MAPK10: variants seen among roughly 807,000 people sequenced by gnomAD.
The protein encoded by MAPK10 is mitogen-activated protein kinase 10, also known as JNK3 alpha protein kinase.
A neutral mutation model predicts 59.3 loss-of-function variants in MAPK10; 25 were observed. The observed-to-expected ratio is 0.42, with a 90% confidence interval of 0.31 to 0.59. The LOEUF is 0.59. Ranked by LOEUF, MAPK10 falls within the 20% of genes least tolerant of loss-of-function variation. The pLI is 0.15. For synonymous variants in MAPK10, 190 were observed against 200.5 expected, an observed-to-expected ratio of 0.95 and a Z score of 0.44; for missense variants, 351 against 568.9, an observed-to-expected ratio of 0.62 and a Z score of 3.90.
At chr4:86,114,301 C>T (rs765429634) in intron 4 of MAPK10, among the ~76,000 whole-genome samples, 23 of 152,180 alleles carry the variant, frequency 1.5e-4, no homozygotes, top group Non-Finnish European at 2.4e-4. Context: ...GGGACTCTGG[C>T]TTTTTGAGTT....
upstream of MAPK10, among the ~76,000 whole-genome samples, chr4:86,361,986 C>T (rs1219219057): frequency 1.3e-5 from 2 of 151,978 alleles, no homozygotes; most frequent in African/African-American, 4.8e-5. Context: ...AGCACAGTGA[C>T]TATAGTTAAT....
At chr4:86,477,396 T>G (rs1753188941) in intron 1 of MAPK10, among the ~76,000 whole-genome samples, 1 of 152,154 alleles carries the variant, frequency 6.6e-6, no homozygotes, top group South Asian at 2.1e-4. Flanking sequence ...ATTCCTGGGC[T>G]ACAGCCACAC....
chr4:86,299,385 G>T (rs567597024), intron 2 of MAPK10, among the ~76,000 whole-genome samples: 19 of 152,256 alleles, frequency 1.2e-4, no homozygotes, highest in African/African-American at 3.4e-4. Context: ...CAGAGGTGGG[G>T]TCTTGAGGGC....
intron 1 of MAPK10, among the ~76,000 whole-genome samples, chr4:86,562,583 T>C (rs1295459539): frequency 6.6e-6 from 1 of 151,616 alleles, no homozygotes; most frequent in African/African-American, 2.4e-5. Context: ...TAGTCCCAGC[T>C]ACTTGGGAGG....
intron 9 of MAPK10, among the ~76,000 whole-genome samples, chr4:86,083,070 T>C (rs2050997352): frequency 6.6e-6 from 1 of 152,162 alleles, no homozygotes; most frequent in South Asian, 2.1e-4. Context: ...AGATAAAAGA[T>C]ATAATATCTT....
intron 1 of MAPK10, among the ~76,000 whole-genome samples, chr4:86,588,210 G>C (rs140643896): frequency 6.6e-6 from 1 of 152,258 alleles, no homozygotes; most frequent in African/African-American, 2.4e-5. Context: ...TCTTGAGTTA[G>C]AGTGTGTCAT....
chr4:86,126,509 G>T (rs1580768456), intron 4 of MAPK10, among the ~76,000 whole-genome samples: 1 of 152,030 alleles, frequency 6.6e-6, no homozygotes, highest in East Asian at 1.9e-4. Flanking sequence ...TATTTCCAAA[G>T]CTTTAAATAT....
At chr4:86,164,425 TAAC>T (rs1381616791) in intron 3 of MAPK10, 3 of 152,188 alleles carry the variant, frequency 2.0e-5, no homozygotes, top group Admixed American at 6.5e-5. Flanking sequence ...AAAAAAATAA[TAAC>T]AACAACAAAA....
chr4:86,556,566 C>T (rs1760284544), intron 1 of MAPK10, among the ~76,000 whole-genome samples: 1 of 152,016 alleles, frequency 6.6e-6, no homozygotes, highest in Admixed American at 6.5e-5. Flanking sequence ...TGCTGATTCA[C>T]TCACTGGGAA....
intron 1 of MAPK10, among the ~76,000 whole-genome samples, chr4:86,372,588 GA>G (rs1225483991): frequency 2.7e-5 from 4 of 150,394 alleles, no homozygotes; most frequent in African/African-American, 9.8e-5. Context: ...GAAAAGAAAA[GA>G]AAAGAAAAGG....
chr4:86,587,525 T>C (rs1322666598), intron 1 of MAPK10, among the ~76,000 whole-genome samples: 1 of 152,222 alleles, frequency 6.6e-6, no homozygotes, highest in Non-Finnish European at 1.5e-5. Flanking sequence ...TATCTGCTCA[T>C]GTTTTAGTGG....
intron 13 of MAPK10, chr4:86,020,757 A>G (rs7692676): frequency 0.44 from 68,216 of 153,552 alleles, 16,473 homozygotes; most frequent in African/African-American, 0.65. Context: ...CGTTCCTCCC[A>G]GTGGGCTCGT....
chr4:86,136,084 G>T (rs2062010270), intron 4 of MAPK10, among the ~76,000 whole-genome samples: 1 of 152,172 alleles, frequency 6.6e-6, no homozygotes, highest in Admixed American at 6.5e-5. Flanking sequence ...GTGATGGGGA[G>T]AATGGAACCA....
intron 2 of MAPK10, among the ~76,000 whole-genome samples, chr4:86,258,234 G>A (rs2093834305): frequency 6.6e-6 from 1 of 151,890 alleles, no homozygotes; most frequent in African/African-American, 2.4e-5. Context: ...CTTCATAGAC[G>A]AAAGTCATCA....
rs148642176 is a variant in MAPK10, at chr4:86,197,428, C to G, written c.-6-3021G>C. On this transcript the variant is annotated intron_variant, in intron 2 of 13. Transcript: ENST00000641462. ...TAATTTTGCATCCTGAGACTTTGCT[C>G]AAATTGCTTATCAGCTTAAGGAGAT... Among the ~76,000 whole-genome samples the G allele has an allele frequency of 4.9e-3, 753 of 152,150 alleles. 3 individuals carry two copies. Among genetic ancestry groups the G allele is most frequent in the African/African-American group, 0.017 (686 of 41,502 alleles).
chr4:86,477,344 T>A (rs890163325), intron 1 of MAPK10, among the ~76,000 whole-genome samples: 12 of 152,160 alleles, frequency 7.9e-5, no homozygotes, highest in Non-Finnish European at 1.8e-4. Flanking sequence ...AGTTCCCTTA[T>A]CAGGCCAAGA....
At chr4:86,169,444 A>T (rs2073240391) in intron 3 of MAPK10, among the ~76,000 whole-genome samples, 1 of 152,386 alleles carries the variant, frequency 6.6e-6, no homozygotes, top group Non-Finnish European at 1.5e-5. Context: ...CGATGCGATC[A>T]ACTGGAAGAA....
chr4:86,469,542 C>T (rs566623788), intron 1 of MAPK10, among the ~76,000 whole-genome samples: 1 of 152,316 alleles, frequency 6.6e-6, no homozygotes, highest in East Asian at 1.9e-4. Flanking sequence ...ACCAGGCAAT[C>T]ACTCACTGCC....
intron 1 of MAPK10, among the ~76,000 whole-genome samples, chr4:86,575,580 T>G (rs893060052): frequency 1.3e-5 from 2 of 151,988 alleles, no homozygotes; most frequent in East Asian, 3.9e-4. Context: ...AGTTTTATTT[T>G]TCTTTTTTTG....
Sources: gnomAD v4.1 joint callset for allele counts (sites outside exome capture counted in the v4.1 genomes callset) on GRCh38, gnomAD v4.1.1 for gene constraint, MANE v1.5 for transcripts, NCBI Gene and HGNC (gene_info 2026-07-23, HGNC 2026-07-21) for gene names.